JAK1: variants seen among roughly 807,000 people sequenced by gnomAD.
The protein encoded by JAK1 is tyrosine-protein kinase JAK1.
Under a neutral mutation model 136.6 loss-of-function variants are expected in JAK1, and 16 were observed. The observed-to-expected ratio is 0.12, with a 90% CI of 0.08 to 0.18. JAK1 has a LOEUF of 0.18. JAK1 is among the 10% of genes least tolerant of loss of function. The pLI is 1.00. For synonymous variants in JAK1, 492 were observed against 519.5 expected (o/e 0.95, Z 0.72); for missense variants, 859 against 1,450.1 (o/e 0.59, Z 6.62).
chr1:64,881,543 G>A (rs1204108317), intron 3 of JAK1, among the ~76,000 whole-genome samples: 1 of 152,148 alleles, frequency 6.6e-6, no homozygotes, highest in Non-Finnish European at 1.5e-5. Flanking sequence ...ATCACTTTCT[G>A]TAGTAACAGT....
intron 17 of JAK1, 55 bp from the exon 18 acceptor site, chr1:64,841,656 C>T (rs1278140702): frequency 6.3e-7 from 1 of 1,594,860 alleles, no homozygotes; most frequent in East Asian, 2.2e-5. Flanking sequence ...ACAAACTTCT[C>T]AGCCCCAGGT....
At chr1:64,998,330 A>G (rs1451316311) in intron 2 of JAK1, among the ~76,000 whole-genome samples, 1 of 152,242 alleles carries the variant, frequency 6.6e-6, no homozygotes, top group Non-Finnish European at 1.5e-5. Context: ...ACATGGTCAC[A>G]GCAGGCATTT....
intron 1 of JAK1, among the ~76,000 whole-genome samples, chr1:64,932,314 G>A (rs1284073148): frequency 6.6e-6 from 1 of 152,160 alleles, no homozygotes; most frequent in African/African-American, 2.4e-5. Context: ...TTGGGAGGCT[G>A]AGGCAGGAGA....
chr1:65,063,620 G>A (rs900227624), intron 1 of JAK1, among the ~76,000 whole-genome samples: 1 of 151,942 alleles, frequency 6.6e-6, no homozygotes, highest in Non-Finnish European at 1.5e-5. Flanking sequence ...CCTGGCCAAC[G>A]TGGGGAAACC....
chr1:64,864,682 C>T, intron 8 of JAK1, 105 bp downstream of exon 8: 1 of 934,918 alleles, frequency 1.1e-6, no homozygotes, highest in Non-Finnish European at 1.6e-6. Flanking sequence ...ATCCTGTTTT[C>T]TCTTTAGGAC....
chr1:64,955,286 G>T (rs774813763), intron 1 of JAK1, among the ~76,000 whole-genome samples: 38 of 152,178 alleles, frequency 2.5e-4, no homozygotes, highest in African/African-American at 9.2e-4. Context: ...AGAACACGAC[G>T]TACTGGAACA....
intron 1 of JAK1, among the ~76,000 whole-genome samples, chr1:64,902,112 A>G (rs1645114888): frequency 1.3e-5 from 2 of 152,206 alleles, no homozygotes; most frequent in African/African-American, 2.4e-5. Flanking sequence ...ACAGTTTTCT[A>G]ATTTAATCAT....
At chr1:64,977,326 A>T (rs557058598) in intron 2 of JAK1, among the ~76,000 whole-genome samples, 60 of 151,894 alleles carry the variant, frequency 4.0e-4, no homozygotes, top group African/African-American at 1.4e-3. Context: ...ATTTTGTTTC[A>T]TTTTTTGTAG....
intron 1 of JAK1, among the ~76,000 whole-genome samples, chr1:64,923,000 T>C (rs1249679803): frequency 1.3e-5 from 2 of 152,206 alleles, no homozygotes. Context: ...AGATACTTAT[T>C]AGCTACTATA....
At chr1:64,858,434 A>G (rs1369080394) in intron 9 of JAK1, among the ~76,000 whole-genome samples, 2 of 152,150 alleles carry the variant, frequency 1.3e-5, no homozygotes. Context: ...GTACTTTCTA[A>G]CTGCGCCATG....
At chr1:64,927,363 C>T (rs1645600411) in intron 1 of JAK1, among the ~76,000 whole-genome samples, 1 of 152,228 alleles carries the variant, frequency 6.6e-6, no homozygotes, top group African/African-American at 2.4e-5. Flanking sequence ...AGAACTGCGT[C>T]TGTCTTCCTT....
intron 3 of JAK1, among the ~76,000 whole-genome samples, chr1:64,880,019 G>A (rs1405553561): frequency 2.0e-5 from 3 of 152,164 alleles, no homozygotes; most frequent in Non-Finnish European, 1.5e-5. Flanking sequence ...CTAAGATGAG[G>A]TAAACTTAAA....
chr1:64,985,403 G>A, intron 2 of JAK1: 2 of 1,610,436 alleles, frequency 1.2e-6, no homozygotes, highest in Admixed American at 1.7e-5. Flanking sequence ...CATCCTGGGT[G>A]CCCCACAACC....
At chr1:64,906,930 C>A (rs1334584245) in intron 1 of JAK1, among the ~76,000 whole-genome samples, 1 of 150,670 alleles carries the variant, frequency 6.6e-6, no homozygotes. Context: ...TTCCTTTTAC[C>A]ACTATCTACC....
intron 1 of JAK1, among the ~76,000 whole-genome samples, chr1:64,950,841 T>A (rs1046495968): frequency 6.6e-6 from 1 of 152,212 alleles, no homozygotes; most frequent in Non-Finnish European, 1.5e-5. Flanking sequence ...AAATCCAGCA[T>A]GATGATGGAT....
chr1:64,861,195 C>G (rs777745541), intron 8 of JAK1, among the ~76,000 whole-genome samples: 39 of 152,042 alleles, frequency 2.6e-4, no homozygotes, highest in Non-Finnish European at 5.0e-4. Context: ...GAAACAGAGG[C>G]AGTGTGGTTC....
intron 1 of JAK1, among the ~76,000 whole-genome samples, chr1:65,055,014 T>C (rs1323408714): frequency 1.3e-5 from 2 of 152,206 alleles, no homozygotes; most frequent in East Asian, 3.9e-4. Flanking sequence ...ATCTCTTTTA[T>C]TGTGGTAAAA....
intron 1 of JAK1, among the ~76,000 whole-genome samples, chr1:64,915,748 T>C (rs1050323818): frequency 2.0e-5 from 3 of 152,288 alleles, no homozygotes; most frequent in African/African-American, 7.2e-5. Context: ...TATTTTATTA[T>C]AAGGAAACAC....
chr1:64,863,392 T>C (rs551996046), intron 8 of JAK1, among the ~76,000 whole-genome samples: 2 of 152,266 alleles, frequency 1.3e-5, no homozygotes, highest in Non-Finnish European at 2.9e-5. Flanking sequence ...GGGCCTGATA[T>C]CCAGGATGTG....
Sources: allele counts gnomAD v4.1 joint callset (sites outside exome capture counted in the v4.1 genomes callset), GRCh38; gene constraint gnomAD v4.1.1; transcripts MANE v1.5; gene names NCBI Gene and HGNC (gene_info 2026-07-23, HGNC 2026-07-21).